The following PACRG variants were observed in gnomAD, a reference collection of about 807,000 sequenced individuals.
PACRG encodes the protein parkin coregulated gene protein.
PACRG carries 29 observed loss-of-function variants against 29.7 expected under a neutral mutation model. That is an observed-to-expected ratio of 0.98 (90% CI 0.73 to 1.33). The LOEUF (loss-of-function observed/expected upper bound fraction) is 1.33, where lower values mean the gene tolerates loss of function less well. Among genes scored for constraint, PACRG ranks in the 40% most tolerant of loss-of-function variants. The pLI is 0.00. For synonymous variants in PACRG, 116 were observed against 118.7 expected (o/e 0.98, Z 0.15); for missense variants, 279 against 316.2 (o/e 0.88, Z 0.89).
At chr6:163,145,609 G>A (rs766670506) in intron 4 of PACRG, among the ~76,000 whole-genome samples, 16 of 152,170 alleles carry the variant, frequency 1.1e-4, no homozygotes, top group Non-Finnish European at 1.5e-4. Flanking sequence ...TGGCTTCAGC[G>A]GATAAAGGCT....
At chr6:162,989,722 C>CT (rs66497763) in intron 2 of PACRG, among the ~76,000 whole-genome samples, 60,305 of 141,810 alleles carry the variant, frequency 0.43, 12,859 homozygotes, top group East Asian at 0.72. Flanking sequence ...TCAGTACTTC[C>CT]TTTTTTTTTT....
chr6:162,966,711 C>T (rs1052370932), intron 2 of PACRG, among the ~76,000 whole-genome samples: 1 of 152,024 alleles, frequency 6.6e-6, no homozygotes, highest in South Asian at 2.1e-4. Flanking sequence ...CTCCTGACCT[C>T]GTGATCCACC....
At chr6:162,962,969 A>T (rs1800751508) in intron 2 of PACRG, among the ~76,000 whole-genome samples, 1 of 152,106 alleles carries the variant, frequency 6.6e-6, no homozygotes, top group African/African-American at 2.4e-5. Flanking sequence ...TGATTAGAAG[A>T]CCTCTAGGGT....
chr6:163,281,376 G>A (rs1449348612), intron 4 of PACRG, among the ~76,000 whole-genome samples: 1 of 152,202 alleles, frequency 6.6e-6, no homozygotes, highest in African/African-American at 2.4e-5. Context: ...AGTCCTCAAA[G>A]GTATCTGCAT....
In PACRG at chr6:163,101,155, C is replaced by A. The variant is rs531476438; in HGVS notation, c.613+11747C>A. On this transcript the variant is annotated intron_variant, in intron 4 of 4. Transcript: ENST00000366888. ...TACCAATTACAACTCTGCCTCTGCC[C>A]CCGCCCCCCAAAAAACCCTACATTT... is the stretch of plus-strand genomic sequence containing the variant. 13 of 984,170 alleles carry A rather than the reference C, an allele frequency of 1.3e-5. No homozygotes were observed. In the South Asian group the frequency reaches 6.1e-4, roughly 46 times the overall value. 61.0% of individuals were successfully genotyped at this position (984,170 alleles called of 1,614,324 possible).
chr6:163,132,249 A>C (rs1354950210), intron 4 of PACRG, among the ~76,000 whole-genome samples: 1 of 152,222 alleles, frequency 6.6e-6, no homozygotes, highest in African/African-American at 2.4e-5. Context: ...ATTTTATTTA[A>C]CATGACTTTT....
intron 2 of PACRG, among the ~76,000 whole-genome samples, chr6:162,928,672 C>T (rs1481264115): frequency 1.3e-5 from 2 of 151,890 alleles, no homozygotes; most frequent in African/African-American, 4.8e-5. Context: ...TCGTTGTATG[C>T]TATAGTCACC....
chr6:162,779,562 G>A (rs1392725760), intron 1 of PACRG, among the ~76,000 whole-genome samples: 2 of 152,198 alleles, frequency 1.3e-5, no homozygotes, highest in Admixed American at 6.5e-5. Flanking sequence ...AACAAACATT[G>A]TAACAGCTTC....
chr6:162,946,820 A>G (rs1482314747), intron 2 of PACRG, among the ~76,000 whole-genome samples: 1 of 152,180 alleles, frequency 6.6e-6, no homozygotes, highest in Admixed American at 6.6e-5. Flanking sequence ...GGATGGTTCA[A>G]CATATGCAAA....
intron 2 of PACRG, among the ~76,000 whole-genome samples, chr6:162,928,149 C>CT (rs954383658): frequency 6.6e-6 from 1 of 151,796 alleles, no homozygotes; most frequent in Non-Finnish European, 1.5e-5. Flanking sequence ...TCCATTTGGG[C>CT]TTTTTTTGAG....
chr6:162,744,946 G>A (rs185332143), intron 1 of PACRG, among the ~76,000 whole-genome samples: 1 of 152,032 alleles, frequency 6.6e-6, no homozygotes, highest in East Asian at 1.9e-4. Flanking sequence ...CATGTTTCAG[G>A]AGCTCTGAAA....
intron 2 of PACRG, among the ~76,000 whole-genome samples, chr6:162,990,399 G>A (rs1380471735): frequency 1.3e-5 from 2 of 150,416 alleles, no homozygotes; most frequent in South Asian, 4.2e-4. Context: ...TCCAGCACCT[G>A]TTGTTTCCTG....
At chr6:162,832,766 T>C (rs1301097356) in intron 2 of PACRG, among the ~76,000 whole-genome samples, 1 of 151,894 alleles carries the variant, frequency 6.6e-6, no homozygotes, top group Non-Finnish European at 1.5e-5. Context: ...ATTTAAAATA[T>C]TTTTCTCTTA....
At chr6:163,239,663 C>A (rs189472887) in intron 4 of PACRG, among the ~76,000 whole-genome samples, 20,383 of 142,088 alleles carry the variant, frequency 0.14, 1,919 homozygotes, top group South Asian at 0.26. Flanking sequence ...CTACACACAC[C>A]CACACCCCCC....
intron 2 of PACRG, among the ~76,000 whole-genome samples, chr6:162,832,145 T>G (rs550192370): frequency 6.6e-6 from 1 of 152,344 alleles, no homozygotes; most frequent in East Asian, 1.9e-4. Context: ...GCGTTCCTAT[T>G]TCTCCATAGC....
intron 4 of PACRG, among the ~76,000 whole-genome samples, chr6:163,121,651 C>T (rs1470420131): frequency 6.6e-6 from 1 of 150,724 alleles, no homozygotes. Context: ...TCATTTCATC[C>T]TTCTCGGTAA....
chr6:163,181,538 A>T (rs1485444739), intron 4 of PACRG, among the ~76,000 whole-genome samples: 1 of 141,006 alleles, frequency 7.1e-6, no homozygotes, highest in African/African-American at 2.6e-5. Flanking sequence ...CCACCCCCAG[A>T]GGATTTGCCC....
chr6:162,807,870 A>G (rs1231325288), intron 1 of PACRG, among the ~76,000 whole-genome samples: 9 of 152,194 alleles, frequency 5.9e-5, no homozygotes, highest in African/African-American at 2.2e-4. Flanking sequence ...CAATAAAATG[A>G]ATGTCTCTAC....
chr6:162,966,472 CAT>C (rs1410364065), intron 2 of PACRG, among the ~76,000 whole-genome samples: 2 of 125,686 alleles, frequency 1.6e-5, no homozygotes, highest in Admixed American at 1.9e-4. Flanking sequence ...GAGGGAATGA[CAT>C]GTATTTTTTT....
Sources: gnomAD v4.1 joint callset for allele counts (sites outside exome capture counted in the v4.1 genomes callset) on GRCh38, gnomAD v4.1.1 for gene constraint, MANE v1.5 for transcripts, NCBI Gene and HGNC (gene_info 2026-07-23, HGNC 2026-07-21) for gene names.